The following SPRED2 variants were observed in gnomAD, a reference collection of about 807,000 sequenced individuals.
The protein encoded by SPRED2 is sprouty related EVH1 domain containing 2, also known as sprouty-related, EVH1 domain-containing protein 2.
Under a neutral mutation model 43.0 loss-of-function variants are expected in SPRED2, and 47 were observed. The observed-to-expected ratio is 1.09, with a 90% confidence interval of 0.87 to 1.40. The LOEUF is 1.40. Ranked by LOEUF, SPRED2 falls within the 40% of genes most tolerant of loss-of-function variation. The pLI, the probability that SPRED2 is intolerant of heterozygous loss-of-function variation, is 0.00. For synonymous variants in SPRED2, 225 were observed against 225.7 expected (o/e 1.00, Z 0.03); for missense variants, 561 against 586.4 (o/e 0.96, Z 0.45).
intron 1 of SPRED2, among the ~76,000 whole-genome samples, chr2:65,405,284 G>T (rs146548319): frequency 6.6e-6 from 1 of 152,332 alleles, no homozygotes; most frequent in African/African-American, 2.4e-5. Flanking sequence ...TAGTCATTGA[G>T]GTGATATATA....
chr2:65,316,898 G>A lies in SPRED2; in HGVS notation c.439-15C>T, dbSNP rs751421662. ...TCTGTAGCTGTCTGTGTAGAGGGAGGTAACCAAGAGTCAATTTAAAAACAA... is the reference window on the plus strand; with the variant it reads ...TCTGTAGCTGTCTGTGTAGAGGGAGATAACCAAGAGTCAATTTAAAAACAA... On this transcript the variant is annotated splice_polypyrimidine_tract_variant and intron_variant, in intron 4 of 5. Coordinates refer to ENST00000356388, the MANE Select transcript of SPRED2 (RefSeq NM_181784.3). The A allele has an allele frequency of 1.2e-6, 2 of 1,612,488 alleles. No individual in the cohort carries two copies. Among genetic ancestry groups the A allele is most frequent in the South Asian group, 2.2e-5 (2 of 90,804 alleles).
At chr2:65,428,044 C>T (rs952553445) in intron 1 of SPRED2, among the ~76,000 whole-genome samples, 3 of 152,186 alleles carry the variant, frequency 2.0e-5, no homozygotes, top group Admixed American at 6.5e-5. Context: ...TTTGCTGTCT[C>T]GGGCAACTAA....
intron 1 of SPRED2, among the ~76,000 whole-genome samples, chr2:65,354,456 T>C (rs1674590979): frequency 6.6e-6 from 1 of 152,176 alleles, no homozygotes; most frequent in African/African-American, 2.4e-5. Context: ...AATTTTAAAT[T>C]TCACCTCTAA....
At chr2:65,431,808 A>C (rs1676702818) in intron 1 of SPRED2, among the ~76,000 whole-genome samples, 154 bp downstream of exon 1, 1 of 152,166 alleles carries the variant, frequency 6.6e-6, no homozygotes, top group African/African-American at 2.4e-5. Context: ...CACTTCAACA[A>C]GCAGGGAAGC....
chr2:65,331,906 G>C, intron 4 of SPRED2, 81 bp downstream of exon 4: 2 of 1,054,458 alleles, frequency 1.9e-6, no homozygotes, highest in Non-Finnish European at 2.9e-6. Flanking sequence ...GCATTGCAAA[G>C]TGTGCCTCAT....
intron 1 of SPRED2, among the ~76,000 whole-genome samples, chr2:65,345,325 G>A (rs1289443080): frequency 1.4e-5 from 2 of 147,272 alleles, no homozygotes; most frequent in African/African-American, 5.1e-5. Flanking sequence ...GTGTAATGGC[G>A]CGATGTCGGC....
chr2:65,388,757 T>C (rs1422729215), intron 1 of SPRED2, among the ~76,000 whole-genome samples: 1 of 152,122 alleles, frequency 6.6e-6, no homozygotes, highest in Non-Finnish European at 1.5e-5. Flanking sequence ...TACTGTTGTG[T>C]TCACGGATGT....
Position 65,432,143 on chromosome 2 carries a change from C to G in SPRED2, c.-156G>C, listed in dbSNP as rs567107972. 2.2e-6 allele frequency: 2 copies of G among 921,198 alleles called. No homozygotes were observed. Among genetic ancestry groups the G allele is most frequent in the African/African-American group, 3.3e-5 (2 of 61,194 alleles). The allele number at this position is 921,198 out of a possible 1,614,324, so 57.1% of individuals were successfully genotyped here. A position where few individuals can be genotyped will look rare whatever the true frequency, so the allele number is the denominator to read the frequency against. On this transcript the variant is annotated 5_prime_UTR_variant, in exon 1 of 6. Transcript: ENST00000356388. Reference sequence around the variant, plus strand: ...GAGGGCGCCGCAGCAGAAGGGGAAGCAGGGCGCGGGATAGGGTTTGGGGGA... The same window carrying G: ...GAGGGCGCCGCAGCAGAAGGGGAAGGAGGGCGCGGGATAGGGTTTGGGGGA...
At chr2:65,372,097 G>C (rs181020334) in intron 1 of SPRED2, among the ~76,000 whole-genome samples, 26 of 152,048 alleles carry the variant, frequency 1.7e-4, no homozygotes, top group African/African-American at 5.8e-4. Context: ...AAAAAAAAAG[G>C]CTCTATAATG....
chr2:65,319,629 G>GGCTTCTCTCTACCCCTTACTCCTC (rs1673352154), intron 4 of SPRED2, among the ~76,000 whole-genome samples: 1 of 152,080 alleles, frequency 6.6e-6, no homozygotes, highest in Non-Finnish European at 1.5e-5. Context: ...CCACACTCCT[G>GGCTTCTCTCTACCCCTTACTCCTC]GCTTCTCTCT....
chr2:65,421,818 T>A (rs193184322), intron 1 of SPRED2, among the ~76,000 whole-genome samples: 13 of 152,168 alleles, frequency 8.5e-5, no homozygotes, highest in African/African-American at 3.1e-4. Flanking sequence ...AACAGTAATA[T>A]AAACCAAGCT....
chr2:65,425,883 T>A (rs1035036252), intron 1 of SPRED2, among the ~76,000 whole-genome samples: 21 of 152,204 alleles, frequency 1.4e-4, no homozygotes, highest in African/African-American at 7.2e-5. Flanking sequence ...AAACAAATAA[T>A]CACATACACC....
intron 1 of SPRED2, among the ~76,000 whole-genome samples, chr2:65,413,228 G>C (rs947600045): frequency 6.6e-6 from 1 of 152,170 alleles, no homozygotes; most frequent in African/African-American, 2.4e-5. Flanking sequence ...ACTTTCAAGA[G>C]AAAACCAGTG....
intron 1 of SPRED2, among the ~76,000 whole-genome samples, chr2:65,358,187 T>C (rs1175024623): frequency 2.0e-5 from 3 of 152,210 alleles, no homozygotes; most frequent in East Asian, 3.8e-4. Flanking sequence ...GCCAGTGTTA[T>C]GACACAATTA....
chr2:65,345,145 T>C (rs757462473), intron 1 of SPRED2, among the ~76,000 whole-genome samples: 80 of 152,054 alleles, frequency 5.3e-4, no homozygotes, highest in Non-Finnish European at 8.8e-4. Flanking sequence ...GAAAGATGTA[T>C]ACAGGCACAA....
At chr2:65,428,396 C>T (rs1344464990) in intron 1 of SPRED2, among the ~76,000 whole-genome samples, 1 of 152,174 alleles carries the variant, frequency 6.6e-6, no homozygotes, top group Non-Finnish European at 1.5e-5. Flanking sequence ...TCGGGGTCTT[C>T]GATTGGTCTC....
intron 1 of SPRED2, among the ~76,000 whole-genome samples, chr2:65,421,015 G>A (rs1172162539): frequency 1.3e-5 from 2 of 152,182 alleles, no homozygotes; most frequent in African/African-American, 4.8e-5. Flanking sequence ...AAGCTTCCCA[G>A]GGCGGCAGCC....
chr2:65,408,976 C>T (rs1477171380), intron 1 of SPRED2, among the ~76,000 whole-genome samples: 1 of 152,168 alleles, frequency 6.6e-6, no homozygotes, highest in African/African-American at 2.4e-5. Context: ...CCACAATTAC[C>T]TGTAGATATC....
At chr2:65,331,919 C>G in intron 4 of SPRED2, 68 bp downstream of exon 4, 1 of 1,256,042 alleles carries the variant, frequency 8.0e-7, no homozygotes, top group East Asian at 2.4e-5. Context: ...TGCCTCATGC[C>G]CTTAAACAAA....
Sources: gnomAD v4.1 joint callset for allele counts (sites outside exome capture counted in the v4.1 genomes callset) on GRCh38, gnomAD v4.1.1 for gene constraint, MANE v1.5 for transcripts, NCBI Gene and HGNC (gene_info 2026-07-23, HGNC 2026-07-21) for gene names.